Variants in R3HDM2 observed in about 807,000 individuals in gnomAD.
R3HDM2 encodes R3H domain-containing protein 2.
R3HDM2 carries 38 observed loss-of-function variants against 124.5 expected under a neutral mutation model. The ratio of observed to expected loss-of-function variants is 0.31; its 90% CI spans 0.24 to 0.40. The LOEUF (loss-of-function observed/expected upper bound fraction) is 0.40. Ranked by LOEUF, R3HDM2 falls within the 10% of genes least tolerant of loss-of-function variation. The probability of loss-of-function intolerance (pLI) is 1.00; values close to 1 mark genes in which losing one functional copy is unlikely to be tolerated. For missense variants in R3HDM2, 869 were observed against 1,236.9 expected, an observed-to-expected ratio of 0.70 and a Z score of 4.46; for synonymous variants, 391 against 448.0, an observed-to-expected ratio of 0.87 and a Z score of 1.61.
intron 1 of R3HDM2, among the ~76,000 whole-genome samples, chr12:57,397,925 T>A (rs945887324): frequency 6.6e-6 from 1 of 152,224 alleles, no homozygotes; most frequent in Non-Finnish European, 1.5e-5. Context: ...GGCTCACGCC[T>A]ATAATCCCAG....
At chr12:57,367,487 T>C (rs1198832472) in intron 2 of R3HDM2, among the ~76,000 whole-genome samples, 1 of 152,204 alleles carries the variant, frequency 6.6e-6, no homozygotes, top group Admixed American at 6.5e-5. Flanking sequence ...TCTCTCCTCT[T>C]AAATATTCTG....
At chr12:57,403,321 G>A (rs913885618) in intron 1 of R3HDM2, among the ~76,000 whole-genome samples, 1 of 151,766 alleles carries the variant, frequency 6.6e-6, no homozygotes, top group Non-Finnish European at 1.5e-5. Context: ...GTGAAATCCC[G>A]TATCTACTAA....
chr12:57,277,764 A>G (rs1023157489), intron 14 of R3HDM2, among the ~76,000 whole-genome samples: 16 of 152,252 alleles, frequency 1.1e-4, no homozygotes, highest in African/African-American at 3.9e-4. Context: ...TTTTTCTTCT[A>G]CAGGAAAAGC....
At chr12:57,354,805 T>C (rs79159194) in intron 2 of R3HDM2, among the ~76,000 whole-genome samples, 1 of 152,144 alleles carries the variant, frequency 6.6e-6, no homozygotes, top group Non-Finnish European at 1.5e-5. Context: ...TGCATTTTCA[T>C]TTTCTCAACA....
intron 2 of R3HDM2, among the ~76,000 whole-genome samples, chr12:57,362,529 G>A (rs534827282): frequency 5.3e-5 from 8 of 152,250 alleles, no homozygotes; most frequent in Admixed American, 5.2e-4. Context: ...AACAGTAGAC[G>A]ATTAATAGTT....
intron 3 of R3HDM2, among the ~76,000 whole-genome samples, chr12:57,306,575 A>AT (rs919803580): frequency 6.6e-6 from 1 of 151,842 alleles, no homozygotes; most frequent in Non-Finnish European, 1.5e-5. Context: ...CACCCAGCTA[A>AT]TTTTTTTGTA....
intron 2 of R3HDM2, among the ~76,000 whole-genome samples, chr12:57,374,272 T>C (rs1566392896): frequency 6.6e-6 from 1 of 152,052 alleles, no homozygotes; most frequent in African/African-American, 2.4e-5. Flanking sequence ...GGACCCGTGA[T>C]CGTGCCACTG....
chr12:57,395,239 G>A (rs2067319869), intron 2 of R3HDM2, among the ~76,000 whole-genome samples: 2 of 152,054 alleles, frequency 1.3e-5, no homozygotes, highest in African/African-American at 4.8e-5. Flanking sequence ...GGGCACGGTG[G>A]CTCACGCCTG....
At chr12:57,317,759 G>C (rs2055439953) in intron 2 of R3HDM2, among the ~76,000 whole-genome samples, 1 of 151,018 alleles carries the variant, frequency 6.6e-6, no homozygotes, top group Non-Finnish European at 1.5e-5. Flanking sequence ...GGCGAATCAT[G>C]AGGTCAGGAG....
chr12:57,270,520 C>T (rs1331684018), intron 14 of R3HDM2, among the ~76,000 whole-genome samples: 3 of 152,128 alleles, frequency 2.0e-5, no homozygotes, highest in Non-Finnish European at 4.4e-5. Context: ...ACCTCTGCCA[C>T]CCAGGTTCAA....
Position 57,254,107 on chromosome 12 carries a change from TTAAGG to T in R3HDM2, c.*661_*665del, listed in dbSNP as rs1420807593. ...AAAAAAGGAAAGGAAGCTTGGGATGTTAAGGTAATAGGAGGACAGTGTGGGACTTT... is the reference window on the plus strand; with the variant it reads ...AAAAAAGGAAAGGAAGCTTGGGATGTTAATAGGAGGACAGTGTGGGACTTT... On this transcript the variant is annotated 3_prime_UTR_variant, in exon 24 of 24. Transcript: ENST00000402412. The T allele has an allele frequency of 6.9e-6, 3 of 435,942 alleles. No individual in the cohort carries two copies. The Admixed American group carries it at 8.4e-5, about 12-fold the overall frequency. 27.0% of individuals were successfully genotyped at this position (435,942 alleles called of 1,614,324 possible). A position where few individuals can be genotyped will look rare whatever the true frequency, so the allele number is the denominator to read the frequency against.
chr12:57,304,594 T>C (rs779782892), intron 3 of R3HDM2: 41 of 781,176 alleles, frequency 5.2e-5, no homozygotes, highest in Non-Finnish European at 6.4e-5. Flanking sequence ...TAAGAAATGA[T>C]GGTGGATCTG....
intron 3 of R3HDM2, among the ~76,000 whole-genome samples, chr12:57,308,719 T>G (rs1159916638): frequency 6.6e-6 from 1 of 152,110 alleles, no homozygotes; most frequent in Non-Finnish European, 1.5e-5. Context: ...ATGTCCCTTC[T>G]TTTCTGCCTA....
chr12:57,351,686 T>C (rs2060692804), intron 2 of R3HDM2, among the ~76,000 whole-genome samples: 1 of 152,166 alleles, frequency 6.6e-6, no homozygotes, highest in African/African-American at 2.4e-5. Context: ...ATATATAAAA[T>C]GGGGTAACTC....
chr12:57,371,007 C>A (rs888038872), intron 2 of R3HDM2, among the ~76,000 whole-genome samples: 6 of 147,746 alleles, frequency 4.1e-5, no homozygotes, highest in Admixed American at 3.5e-4. Context: ...CAACAGAAGA[C>A]CAAAATTTGT....
intron 4 of R3HDM2, among the ~76,000 whole-genome samples, chr12:57,302,703 A>C: frequency 6.6e-6 from 1 of 150,452 alleles, no homozygotes; most frequent in Middle Eastern, 3.2e-3. Flanking sequence ...CATTAGGGGG[A>C]AAAAAAAGCC....
chr12:57,275,575 C>T (rs1176528651), intron 14 of R3HDM2, among the ~76,000 whole-genome samples: 1 of 148,526 alleles, frequency 6.7e-6, no homozygotes, highest in African/African-American at 2.5e-5. Context: ...ATCTGTACAT[C>T]TGACAAAAGA....
chr12:57,390,658 C>CTG (rs2066527152), intron 2 of R3HDM2, among the ~76,000 whole-genome samples: 1 of 152,040 alleles, frequency 6.6e-6, no homozygotes, highest in East Asian at 1.9e-4. Context: ...GATCACACTG[C>CTG]TGCCCTCCAG....
intron 10 of R3HDM2, among the ~76,000 whole-genome samples, chr12:57,293,311 A>C (rs547885497): frequency 6.6e-6 from 1 of 152,292 alleles, no homozygotes; most frequent in African/African-American, 2.4e-5. Flanking sequence ...GAAATAAAGA[A>C]GAAAGAGAAC....
Sources: allele counts gnomAD v4.1 joint callset (sites outside exome capture counted in the v4.1 genomes callset), GRCh38; gene constraint gnomAD v4.1.1; transcripts MANE v1.5; gene names NCBI Gene and HGNC (gene_info 2026-07-23, HGNC 2026-07-21).